Variants in EHMT1 observed in about 807,000 individuals in gnomAD.
EHMT1 encodes the protein euchromatic histone lysine methyltransferase 1.
Under a neutral mutation model 147.2 loss-of-function variants are expected in EHMT1, and 15 were observed. The ratio of observed to expected loss-of-function variants is 0.10; its 90% CI spans 0.07 to 0.16. EHMT1 has a LOEUF of 0.16. EHMT1 is among the 10% of genes least tolerant of loss of function. The pLI is 1.00. For synonymous variants in EHMT1, 795 were observed against 709.6 expected (o/e 1.12, Z -1.91); for missense variants, 1,587 against 1,772.4 (o/e 0.90, Z 1.88).
chr9:137,779,519 C>T lies in EHMT1; in HGVS notation c.2193-116C>T, dbSNP rs141286527. 138 of 1,079,370 alleles carry T rather than the reference C, an allele frequency of 1.3e-4. No homozygotes were observed. In the African/African-American group the frequency reaches 1.6e-3, roughly 12 times the overall value. 66.9% of individuals were successfully genotyped at this position (1,079,370 alleles called of 1,614,324 possible). On this transcript the variant is annotated intron_variant, in intron 13 of 26. Coordinates refer to ENST00000460843, the MANE Select transcript of EHMT1 (RefSeq NM_024757.5). Reference sequence around the variant, plus strand: ...AGCCTTCAGCTTCATGTGTGGGACGCGGAGCCCCATGAGCTTGAGGGGCTG... The same window carrying T: ...AGCCTTCAGCTTCATGTGTGGGACGTGGAGCCCCATGAGCTTGAGGGGCTG...
intron 1 of EHMT1, among the ~76,000 whole-genome samples, chr9:137,628,806 G>A (rs1195708820): frequency 6.6e-6 from 1 of 152,336 alleles, no homozygotes; most frequent in South Asian, 2.1e-4. Flanking sequence ...GATCCCACAC[G>A]TGGCCAGAGC....
rs913355461 is a variant in EHMT1, at chr9:137,722,816, A to G, written c.643-5533A>G. On this transcript the variant is annotated intron_variant, in intron 3 of 26. Coordinates refer to ENST00000460843, the MANE Select transcript of EHMT1 (RefSeq NM_024757.5). ...CCACGGAGGTGGTGTGGCAGAGACTATGGGAAGGTGGGTGCCCCCCTGTGC... is the reference window on the plus strand; with the variant it reads ...CCACGGAGGTGGTGTGGCAGAGACTGTGGGAAGGTGGGTGCCCCCCTGTGC... Among the ~76,000 whole-genome samples, 9 of 149,312 alleles carry G rather than the reference A, an allele frequency of 6.0e-5. 1 individual carries two copies. The South Asian group carries it at 1.9e-3, about 32-fold the overall frequency.
chr9:137,647,400 A>G (rs1165269352), intron 1 of EHMT1, among the ~76,000 whole-genome samples: 1 of 152,134 alleles, frequency 6.6e-6, no homozygotes, highest in Non-Finnish European at 1.5e-5. Context: ...CATCTGTAGA[A>G]TGGCATTTCC....
chr9:137,642,239 C>T (rs549039157), intron 1 of EHMT1, among the ~76,000 whole-genome samples: 170 of 152,254 alleles, frequency 1.1e-3, no homozygotes, highest in Non-Finnish European at 1.8e-3. Flanking sequence ...TTATACTTGT[C>T]GATTTTGTAT....
At position 137,811,490 on chromosome 9, in the gene EHMT1, G is replaced by A. The variant is rs751905570; in HGVS notation, c.2742G>A (p.Ala914=). Reference sequence around the variant, plus strand: ...AGAACATTTGCCTGCACTGGGCGGCGTTCTCCGGCTGCGTGGACATAGCCG... The same window carrying A: ...AGAACATTTGCCTGCACTGGGCGGCATTCTCCGGCTGCGTGGACATAGCCG... ...NEENICLHWA[A]FSGCVDIAEI... The change falls in exon 19 of 27, where the codon GCG becomes GCA. Residue 914 remains alanine, a synonymous_variant. Transcript: ENST00000460843. 8.1e-6 allele frequency: 13 copies of A among 1,612,334 alleles called. No individual in the cohort carries two copies. Among genetic ancestry groups the A allele is most frequent in the South Asian group, 2.2e-5 (2 of 91,092 alleles).
intron 4 of EHMT1, among the ~76,000 whole-genome samples, chr9:137,735,153 A>G (rs181317446): frequency 1.9e-4 from 29 of 152,292 alleles, no homozygotes; most frequent in Non-Finnish European, 5.9e-5. Context: ...GTAACTCCAC[A>G]TTTTTCCTAC....
rs543191355 is a variant in EHMT1, at chr9:137,753,410, T to G, written c.1249-761T>G. Among the ~76,000 whole-genome samples, 14 of 152,262 alleles carry G rather than the reference T, an allele frequency of 9.2e-5. No individual in the cohort carries two copies. In the East Asian group the frequency reaches 2.5e-3, roughly 27 times the overall value. ...CTTGCTGAAATTCTTCCCAAAAGTTTTGCCGTGCGGGGAGCACAGGGGAGC... is the reference window on the plus strand; with the variant it reads ...CTTGCTGAAATTCTTCCCAAAAGTTGTGCCGTGCGGGGAGCACAGGGGAGC... On this transcript the variant is annotated intron_variant, in intron 7 of 26. Transcript: ENST00000460843.
At chr9:137,796,256 C>CA (rs1407387236) in intron 16 of EHMT1, among the ~76,000 whole-genome samples, 2 of 152,022 alleles carry the variant, frequency 1.3e-5, no homozygotes, top group Non-Finnish European at 2.9e-5. Flanking sequence ...TTTTAAGACA[C>CA]AAAAAAGCAC....
rs76699241 is a variant in EHMT1 at position 137,672,952 on chromosome 9, G to C, written c.22-38015G>C. Among the ~76,000 whole-genome samples the C allele has an allele frequency of 6.1e-4, 93 of 152,278 alleles. 1 individual carries two copies. The highest frequency in any genetic ancestry group is 2.1e-3 in the African/African-American group (88 of 41,550). Reference sequence around the variant, plus strand: ...ATTAATATTACTACTATACCTTGTGGTTTTCTGCATGCAGGTTTAAGCCTG... The same window carrying C: ...ATTAATATTACTACTATACCTTGTGCTTTTCTGCATGCAGGTTTAAGCCTG... On this transcript the variant is annotated intron_variant, in intron 1 of 26. Transcript: ENST00000460843.
At chr9:137,684,806 T>A (rs1589252149) in intron 1 of EHMT1, among the ~76,000 whole-genome samples, 1 of 152,222 alleles carries the variant, frequency 6.6e-6, no homozygotes, top group East Asian at 1.9e-4. Flanking sequence ...AGCCATTCTT[T>A]TACTGAATTA....
intron 1 of EHMT1, among the ~76,000 whole-genome samples, chr9:137,620,825 C>T (rs560887267): frequency 1.6e-3 from 251 of 152,328 alleles, no homozygotes; most frequent in Middle Eastern, 6.8e-3. Context: ...CTCCAGATGT[C>T]TCTGGTTCCA....
chr9:137,832,430 T>G (rs1399060782), intron 25 of EHMT1, among the ~76,000 whole-genome samples: 3 of 142,030 alleles, frequency 2.1e-5, no homozygotes, highest in African/African-American at 2.7e-5. Context: ...TGCACTTTGC[T>G]CCCATCCTAG....
chr9:137,765,348 G>C (rs1950145496), intron 10 of EHMT1, among the ~76,000 whole-genome samples: 1 of 151,944 alleles, frequency 6.6e-6, no homozygotes, highest in African/African-American at 2.4e-5. Flanking sequence ...CGGAGGGCTT[G>C]ATTTTGCTTC....
intron 22 of EHMT1, chr9:137,814,943 T>C: frequency 3.3e-6 from 1 of 300,724 alleles, no homozygotes. Flanking sequence ...GATTGGAAGT[T>C]TCTGTTGGGT....
At chr9:137,683,276 A>G (rs1942134296) in intron 1 of EHMT1, among the ~76,000 whole-genome samples, 1 of 152,258 alleles carries the variant, frequency 6.6e-6, no homozygotes, top group Non-Finnish European at 1.5e-5. Context: ...TCCCTGAGGT[A>G]AAAGCGGATC....
At chr9:137,753,073 C>G (rs899730758) in intron 7 of EHMT1, among the ~76,000 whole-genome samples, 1 of 152,050 alleles carries the variant, frequency 6.6e-6, no homozygotes, top group African/African-American at 2.4e-5. Context: ...CAGGATGGAG[C>G]CTCAGGAAGC....
chr9:137,798,730 G>T lies in EHMT1; in HGVS notation c.2506-83G>T, dbSNP rs564019515. On this transcript the variant is annotated intron_variant, in intron 16 of 26. Transcript: ENST00000460843. ...TACCCCACCCGCATGGTAGACACCG[G>T]GTTCTCCTGGATCCCGCACTCAGGG... 5.3e-6 allele frequency: 6 copies of T among 1,133,286 alleles called. No individual in the cohort carries two copies. The African/African-American group carries it at 7.6e-5, about 14-fold the overall frequency. 70.2% of individuals were successfully genotyped at this position (1,133,286 alleles called of 1,614,324 possible).
At chr9:137,725,905 C>T (rs1287244076) in intron 3 of EHMT1, among the ~76,000 whole-genome samples, 3 of 152,144 alleles carry the variant, frequency 2.0e-5, no homozygotes, top group Non-Finnish European at 4.4e-5. Context: ...GTGCTCTTGC[C>T]TGGAACTCTC....
chr9:137,737,620 C>T (rs1463492386), intron 4 of EHMT1, among the ~76,000 whole-genome samples: 2 of 152,158 alleles, frequency 1.3e-5, no homozygotes, highest in Non-Finnish European at 2.9e-5. Flanking sequence ...TTGGACATGA[C>T]ACCAAAAGTG....
Sources: gnomAD v4.1 joint callset for allele counts (sites outside exome capture counted in the v4.1 genomes callset) on GRCh38, gnomAD v4.1.1 for gene constraint, MANE v1.5 for transcripts, NCBI Gene and HGNC (gene_info 2026-07-23, HGNC 2026-07-21) for gene names.